GHR: variants seen among roughly 807,000 people sequenced by gnomAD.
GHR encodes the protein growth hormone receptor, also known as GH receptor.
In GHR, 35 loss-of-function variants were observed where a neutral mutation model predicts 67.1. That is an observed-to-expected ratio of 0.52 (90% CI 0.40 to 0.69). The LOEUF (loss-of-function observed/expected upper bound fraction) is 0.69. Among genes scored for constraint, GHR ranks in the 30% least tolerant of loss-of-function variants. The probability of loss-of-function intolerance (pLI) is 0.00; values close to 1 mark genes in which losing one functional copy is unlikely to be tolerated. For synonymous variants in GHR, 272 were observed against 269.1 expected, an observed-to-expected ratio of 1.01 and a Z score of -0.10; for missense variants, 792 against 764.6, an observed-to-expected ratio of 1.04 and a Z score of -0.42.
In GHR at chr5:42,719,308, G is replaced by A. The variant is rs748252720; in HGVS notation, c.1801G>A (p.Val601Ile). Residue 601 changes from valine (V) to isoleucine (I), a missense_variant, in exon 10 of 10, where the codon GTA (valine) becomes ATA (isoleucine). By Grantham distance (29) the Val-to-Ile change is conservative. Coordinates refer to ENST00000230882, the MANE Select transcript of GHR (RefSeq NM_000163.5). ...PVPDYTSIHI[V>I]QSPQGLILNA... ...CCCAGACTATACCTCCATTCATATA[G>A]TACAGTCCCCACAGGGCCTCATACT... 1.2e-5 allele frequency: 20 copies of A among 1,614,132 alleles called. No individual in the cohort carries two copies. The highest frequency in any genetic ancestry group is 1.7e-5 in the Non-Finnish European group (20 of 1,180,016).
At chr5:42,478,084 T>A (rs1745427629) in intron 1 of GHR, among the ~76,000 whole-genome samples, 1 of 152,196 alleles carries the variant, frequency 6.6e-6, no homozygotes, top group Admixed American at 6.5e-5. Flanking sequence ...AGGGATCCAG[T>A]TTCAGCTTTC....
intron 2 of GHR, among the ~76,000 whole-genome samples, chr5:42,600,433 G>C (rs187002213): frequency 6.6e-6 from 1 of 152,244 alleles, no homozygotes; most frequent in African/African-American, 2.4e-5. Context: ...CATGGGACCA[G>C]GATGGCTAGG....
chr5:42,476,199 G>A (rs948951699), intron 1 of GHR, among the ~76,000 whole-genome samples: 7 of 151,210 alleles, frequency 4.6e-5, no homozygotes, highest in Non-Finnish European at 8.8e-5. Context: ...CACCGCGCCC[G>A]GCTTTTTGTT....
intron 6 of GHR, among the ~76,000 whole-genome samples, chr5:42,707,854 A>G (rs113297051): frequency 2.6e-5 from 4 of 151,970 alleles, no homozygotes; most frequent in Non-Finnish European, 4.4e-5. Flanking sequence ...CATATTTCTT[A>G]ACAAATTATT....
At chr5:42,618,389 T>C (rs1280100322) in intron 2 of GHR, among the ~76,000 whole-genome samples, 2 of 152,134 alleles carry the variant, frequency 1.3e-5, no homozygotes, top group African/African-American at 4.8e-5. Context: ...CCGTAAAATG[T>C]ATGCATTTTT....
At chr5:42,579,145 GATAGAT>G (rs1364730148) in intron 2 of GHR, among the ~76,000 whole-genome samples, 2,945 of 42,906 alleles carry the variant, frequency 0.069, 62 homozygotes, top group Non-Finnish European at 0.073. Context: ...ATAGATGATA[GATAGAT>G]ATAGATAGAT....
chr5:42,474,265 A>AAGAAAGAAAGAAAGAAAAAGAGAAAG (rs1745149503), intron 1 of GHR, among the ~76,000 whole-genome samples: 1 of 112,748 alleles, frequency 8.9e-6, no homozygotes, highest in Admixed American at 9.1e-5. Flanking sequence ...GACAGAAAGA[A>AAGAAAGAAAGAAAGAAAAAGAGAAAG]AGAAAGAAAG....
chr5:42,426,878 G>A (rs1742874936), intron 1 of GHR, among the ~76,000 whole-genome samples: 1 of 152,154 alleles, frequency 6.6e-6, no homozygotes, highest in Non-Finnish European at 1.5e-5. Flanking sequence ...CTCTATCTGT[G>A]AAAATGGTCT....
At chr5:42,645,407 C>T (rs545946439) in intron 3 of GHR, among the ~76,000 whole-genome samples, 1 of 152,288 alleles carries the variant, frequency 6.6e-6, no homozygotes, top group East Asian at 1.9e-4. Context: ...GGAACATTTA[C>T]ATTCTATCCC....
rs1399644632 is a variant in GHR, at chr5:42,719,954, A to C, written c.*530A>C. ...ATGTAAAACATTTATTTTGACATAA[A>C]GTTGATAAAGATTTTTTAATAATTT... is the stretch of plus-strand genomic sequence containing the variant. On this transcript the variant is annotated 3_prime_UTR_variant, in exon 10 of 10. Transcript: ENST00000230882. 8.1e-6 allele frequency: 1 copy of C among 124,134 alleles called. No homozygotes were observed. Among genetic ancestry groups the C allele is most frequent in the Admixed American group, 9.9e-5 (1 of 10,150 alleles). 7.7% of individuals were successfully genotyped at this position (124,134 alleles called of 1,614,324 possible).
chr5:42,497,297 T>C (rs1234010217), intron 1 of GHR, among the ~76,000 whole-genome samples: 1 of 152,196 alleles, frequency 6.6e-6, no homozygotes, highest in Non-Finnish European at 1.5e-5. Context: ...CCTGGAACTT[T>C]TGAGTCTTAA....
intron 3 of GHR, among the ~76,000 whole-genome samples, chr5:42,648,747 G>A (rs539155538): frequency 1.9e-4 from 29 of 151,716 alleles, no homozygotes; most frequent in African/African-American, 6.3e-4. Context: ...ATAGTAAGAG[G>A]ATGAAAAGAT....
At position 42,496,770 on chromosome 5, in the gene GHR, G is replaced by A. The variant is rs191471847; in HGVS notation, c.-11-69094G>A. 4.7e-3 allele frequency among the ~76,000 whole-genome samples: 717 copies of A among 152,160 alleles called. 3 individuals carry two copies. Among genetic ancestry groups the A allele is most frequent in the Middle Eastern group, 0.01 (3 of 294 alleles). ...GTAGGGCATTTACTTTTCACACTCC[G>A]TTTAAATCAGTGTGGTTTCTTCCTA... is the stretch of plus-strand genomic sequence containing the variant. On this transcript the variant is annotated intron_variant, in intron 1 of 9. Transcript: ENST00000230882.
chr5:42,666,827 A>G (rs1284153892), intron 3 of GHR, among the ~76,000 whole-genome samples: 2 of 152,220 alleles, frequency 1.3e-5, no homozygotes, highest in Non-Finnish European at 2.9e-5. Context: ...GTCTCTCTAA[A>G]TCGCAGATCT....
At chr5:42,676,477 T>C (rs1756578856) in intron 3 of GHR, among the ~76,000 whole-genome samples, 1 of 152,190 alleles carries the variant, frequency 6.6e-6, no homozygotes, top group Admixed American at 6.5e-5. Context: ...AAATATTTTA[T>C]TAAATTTTTT....
intron 3 of GHR, among the ~76,000 whole-genome samples, chr5:42,651,790 T>C (rs1452789641): frequency 6.6e-6 from 1 of 152,200 alleles, no homozygotes; most frequent in African/African-American, 2.4e-5. Flanking sequence ...TTTTTAATGT[T>C]CTACTAAATC....
intron 1 of GHR, among the ~76,000 whole-genome samples, chr5:42,523,684 G>A (rs189823426): frequency 3.3e-5 from 5 of 152,082 alleles, no homozygotes; most frequent in Admixed American, 6.5e-5. Flanking sequence ...AATTAGGAGC[G>A]TTAATAATGC....
At chr5:42,618,904 A>T (rs1753302397) in intron 2 of GHR, among the ~76,000 whole-genome samples, 1 of 152,134 alleles carries the variant, frequency 6.6e-6, no homozygotes, top group African/African-American at 2.4e-5. Context: ...TGGGGCCAGC[A>T]TTAGTCTGTT....
At chr5:42,682,025 T>C (rs1756908234) in intron 3 of GHR, among the ~76,000 whole-genome samples, 1 of 150,824 alleles carries the variant, frequency 6.6e-6, no homozygotes, top group African/African-American at 2.4e-5. Context: ...AACCCAAATG[T>C]CCATCAGTGA....
Sources: gnomAD v4.1 joint callset for allele counts (sites outside exome capture counted in the v4.1 genomes callset) on GRCh38, gnomAD v4.1.1 for gene constraint, MANE v1.5 for transcripts, NCBI Gene and HGNC (gene_info 2026-07-23, HGNC 2026-07-21) for gene names.